Variants in GRIK1 observed in about 807,000 individuals in gnomAD.
The protein encoded by GRIK1 is glutamate ionotropic receptor kainate type subunit 1, also known as glutamate receptor ionotropic, kainate 1.
A neutral mutation model predicts 105.7 loss-of-function variants in GRIK1; 69 were observed. That is an observed-to-expected ratio of 0.65 (90% CI 0.54 to 0.80). The LOEUF is 0.80. GRIK1 is among the 30% of genes least tolerant of loss of function. The probability of loss-of-function intolerance (pLI) is 0.00; values close to 1 mark genes in which losing one functional copy is unlikely to be tolerated. For missense variants in GRIK1, 1,109 were observed against 1,167.3 expected, an observed-to-expected ratio of 0.95 and a Z score of 0.73; for synonymous variants, 438 against 431.3, an observed-to-expected ratio of 1.02 and a Z score of -0.19.
chr21:29,680,383 C>A (rs1256531803), intron 3 of GRIK1, among the ~76,000 whole-genome samples: 1 of 151,956 alleles, frequency 6.6e-6, no homozygotes. Context: ...AAAATGTTTC[C>A]AGAACCTGAG....
At chr21:29,912,206 C>T (rs1369216675) in intron 1 of GRIK1, among the ~76,000 whole-genome samples, 1 of 152,088 alleles carries the variant, frequency 6.6e-6, no homozygotes, top group Non-Finnish European at 1.5e-5. Flanking sequence ...CTGCCTAAAT[C>T]CAAAGGGCAT....
intron 1 of GRIK1, among the ~76,000 whole-genome samples, chr21:29,711,074 A>G (rs745410156): frequency 5.9e-5 from 9 of 152,070 alleles, no homozygotes; most frequent in Non-Finnish European, 8.8e-5. Flanking sequence ...CTTGAATTAA[A>G]TGCTTAAGCT....
At chr21:29,644,824 G>A (rs80140184) in intron 6 of GRIK1, among the ~76,000 whole-genome samples, 2,346 of 152,296 alleles carry the variant, frequency 0.015, 71 homozygotes, top group African/African-American at 0.054. Flanking sequence ...AACAGCAATA[G>A]CTGACATTTA....
intron 1 of GRIK1, among the ~76,000 whole-genome samples, chr21:29,775,394 T>C (rs1273938299): frequency 6.6e-6 from 1 of 152,064 alleles, no homozygotes; most frequent in African/African-American, 2.4e-5. Context: ...AGACTTGTAG[T>C]ACTAGAGTAC....
chr21:29,724,527 TGG>T (rs2064404673), intron 1 of GRIK1, among the ~76,000 whole-genome samples: 1 of 152,172 alleles, frequency 6.6e-6, no homozygotes, highest in African/African-American at 2.4e-5. Context: ...ATGCAAGAAC[TGG>T]GAGTCTTAAA....
chr21:29,851,365 T>G (rs2068299556), intron 1 of GRIK1, among the ~76,000 whole-genome samples: 2 of 152,168 alleles, frequency 1.3e-5, no homozygotes, highest in Admixed American at 1.3e-4. Context: ...TAGAAATGAT[T>G]TTTTTGAGAC....
chr21:29,789,220 T>G (rs1294896636), intron 1 of GRIK1, among the ~76,000 whole-genome samples: 1 of 152,218 alleles, frequency 6.6e-6, no homozygotes, highest in Non-Finnish European at 1.5e-5. Flanking sequence ...AATGACTTCC[T>G]TGTTTACCTA....
At chr21:29,904,722 G>A (rs1018156277) in intron 1 of GRIK1, among the ~76,000 whole-genome samples, 7 of 152,172 alleles carry the variant, frequency 4.6e-5, no homozygotes, top group Admixed American at 2.6e-4. Flanking sequence ...ATGTGGCAGA[G>A]CTATGGAAAG....
intron 1 of GRIK1, among the ~76,000 whole-genome samples, chr21:29,812,056 G>T (rs2067024561): frequency 6.6e-6 from 1 of 152,114 alleles, no homozygotes; most frequent in South Asian, 2.1e-4. Flanking sequence ...ATTTCTACAG[G>T]TCAGTTACCT....
intron 1 of GRIK1, among the ~76,000 whole-genome samples, chr21:29,927,071 A>G (rs1172088896): frequency 1.3e-5 from 2 of 152,144 alleles, no homozygotes; most frequent in Non-Finnish European, 2.9e-5. Flanking sequence ...AAGCATAACA[A>G]ATTGGCATGG....
intron 1 of GRIK1, among the ~76,000 whole-genome samples, chr21:29,862,341 T>C (rs914607240): frequency 8.5e-5 from 13 of 152,230 alleles, no homozygotes; most frequent in South Asian, 6.2e-4. Flanking sequence ...ACCAAATTCT[T>C]GTTGTAGGCT....
intron 1 of GRIK1, chr21:29,748,769 A>G (rs1408465140): frequency 2.0e-5 from 3 of 152,236 alleles, no homozygotes; most frequent in African/African-American, 7.2e-5. Flanking sequence ...TGCTGTAAAC[A>G]TGAAAGTGAG....
At chr21:29,882,130 A>C (rs1437666916) in intron 1 of GRIK1, among the ~76,000 whole-genome samples, 1 of 152,096 alleles carries the variant, frequency 6.6e-6, no homozygotes, top group African/African-American at 2.4e-5. Flanking sequence ...ATGACATCAA[A>C]AAAAGGCCAT....
Position 29,555,132 on chromosome 21 carries a change from C to T in GRIK1, c.2527G>A (p.Ala843Thr). The change falls in exon 16 of 18, where the codon GCT (alanine) becomes ACT (threonine). Residue 843 changes from alanine to threonine, a missense_variant. By Grantham distance (58) the Ala-to-Thr change is moderately conservative. This residue lies in a region of GRIK1 where 161 missense variants were observed against 143.4 expected (regional missense o/e 1.12). Coordinates refer to ENST00000327783, the MANE Select transcript of GRIK1 (RefSeq NM_001330994.2). The part of the protein sequence containing the change: ...ENIGGIFIVL[A>T]AGLVLSVFVA... ...AATACAGAAAGGACCAGTCCGGCAG[C>T]CAGAACAATGAAGATGCCTCCAATA... The T allele has an allele frequency of 6.2e-7, 1 of 1,613,638 alleles. No individual in the cohort carries two copies.
rs764271125 is a variant in GRIK1 at position 29,689,900 on chromosome 21, A to G, written c.372T>C (p.Asn124=). Residue 124 remains asparagine (N), a synonymous_variant, in exon 3 of 18, where the codon AAT becomes AAC. Transcript: ENST00000327783. The part of the protein sequence containing the change: ...SSVSAVQSIC[N]ALEVPHIQTR... ...TCTGTATGTGTGGAACTTCGAGAGCATTGCAAATAGACTGCACAGCACTGA... is the reference window on the plus strand; with the variant it reads ...TCTGTATGTGTGGAACTTCGAGAGCGTTGCAAATAGACTGCACAGCACTGA... The G allele has an allele frequency of 1.3e-4, 215 of 1,613,608 alleles. No homozygotes were observed. Among genetic ancestry groups the G allele is most frequent in the Non-Finnish European group, 1.7e-4 (203 of 1,179,760 alleles).
At chr21:29,750,747 C>A (rs1001120083) in intron 1 of GRIK1, among the ~76,000 whole-genome samples, 5 of 152,034 alleles carry the variant, frequency 3.3e-5, no homozygotes, top group African/African-American at 1.2e-4. Context: ...AAAAAGAAAA[C>A]CTGTGATACT....
At chr21:29,932,895 C>A (rs1197359546) in intron 1 of GRIK1, among the ~76,000 whole-genome samples, 1 of 145,380 alleles carries the variant, frequency 6.9e-6, no homozygotes, top group Non-Finnish European at 1.5e-5. Context: ...CAATTTAAAA[C>A]AATGTTAAAA....
intron 1 of GRIK1, among the ~76,000 whole-genome samples, chr21:29,736,842 T>A (rs112180652): frequency 0.059 from 8,946 of 151,684 alleles, 303 homozygotes; most frequent in African/African-American, 0.067. Flanking sequence ...CATGGCTGAC[T>A]GATTTTTGTA....
intron 7 of GRIK1, among the ~76,000 whole-genome samples, chr21:29,626,503 A>G (rs2146456563): frequency 6.6e-6 from 1 of 152,330 alleles, no homozygotes; most frequent in African/African-American, 2.4e-5. Flanking sequence ...ACACAGCAAG[A>G]AGGTGGCCAT....
Sources: gnomAD v4.1 joint callset for allele counts (sites outside exome capture counted in the v4.1 genomes callset) on GRCh38, gnomAD v4.1.1 for gene constraint, gnomAD v4.1.1 regional missense constraint, MANE v1.5 for transcripts, NCBI Gene and HGNC (gene_info 2026-07-23, HGNC 2026-07-21) for gene names.